The following CBFA2T2 variants were observed in gnomAD, a reference collection of about 807,000 sequenced individuals.
CBFA2T2 encodes protein CBFA2T2.
CBFA2T2 carries 11 observed loss-of-function variants against 62.2 expected under a neutral mutation model. That is an observed-to-expected ratio of 0.18 (90% CI 0.11 to 0.29). The LOEUF (loss-of-function observed/expected upper bound fraction) is 0.29, where lower values mean the gene tolerates loss of function less well. Among genes scored for constraint, CBFA2T2 ranks in the 10% least tolerant of loss-of-function variants. CBFA2T2 has a pLI of 1.00. For missense variants in CBFA2T2, 592 were observed against 774.1 expected, an observed-to-expected ratio of 0.76 and a Z score of 2.79; for synonymous variants, 295 against 287.5, an observed-to-expected ratio of 1.03 and a Z score of -0.27.
chr20:33,620,582 A>G (rs980602856), intron 4 of CBFA2T2, among the ~76,000 whole-genome samples: 5 of 152,174 alleles, frequency 3.3e-5, no homozygotes, highest in African/African-American at 9.7e-5. Context: ...GCTCACGCCT[A>G]TAATCCATGC....
chr20:33,491,275 C>G (rs779214576), intron 1 of CBFA2T2, among the ~76,000 whole-genome samples: 18 of 151,942 alleles, frequency 1.2e-4, no homozygotes, highest in Non-Finnish European at 1.9e-4. Context: ...CATTCCAGGC[C>G]CTGGGAATAC....
Position 33,606,892 on chromosome 20 carries a change from A to C in CBFA2T2, c.35-64A>C, listed in dbSNP as rs561712322. 208 of 1,532,232 alleles carry C rather than the reference A, an allele frequency of 1.4e-4. 1 individual carries two copies. The highest frequency in any genetic ancestry group is 4.5e-4 in the Admixed American group (26 of 57,400). The allele number at this position is 1,532,232 out of a possible 1,614,324, so 94.9% of individuals were successfully genotyped here. ...TCTAGGGAAGTATGTTGGTATTTCA[A>C]ATTGTTGTCTGTTTTTGCAAACTTT... On this transcript the variant is annotated intron_variant, in intron 1 of 10. Coordinates refer to ENST00000342704, the MANE Select transcript of CBFA2T2 (RefSeq NM_001032999.3).
intron 4 of CBFA2T2, among the ~76,000 whole-genome samples, chr20:33,619,829 CATAG>C (rs2015868995): frequency 6.6e-6 from 1 of 152,126 alleles, no homozygotes; most frequent in Admixed American, 6.6e-5. Context: ...GCTGCTAACA[CATAG>C]AAGTAGCTAG....
At chr20:33,576,547 A>G (rs1440371063) in intron 1 of CBFA2T2, among the ~76,000 whole-genome samples, 1 of 152,282 alleles carries the variant, frequency 6.6e-6, no homozygotes, top group Non-Finnish European at 1.5e-5. Context: ...AAACTGAGAC[A>G]TCACCATCAT....
chr20:33,623,058 G>A, intron 4 of CBFA2T2, 57 bp from the exon 5 acceptor site: 2 of 1,558,084 alleles, frequency 1.3e-6, no homozygotes, highest in Non-Finnish European at 1.8e-6. Context: ...GCCCTTTGAG[G>A]TGCTGAGCCT....
Position 33,640,454 on chromosome 20 carries a change from C to G in CBFA2T2, c.1411C>G (p.Gln471Glu). The G allele has an allele frequency of 6.2e-7, 1 of 1,614,256 alleles. No homozygotes were observed. The change falls in exon 10 of 11, where the codon CAA (glutamine) becomes GAA (glutamate). Residue 471 changes from glutamine to glutamate, a missense_variant. By Grantham distance (29) the Gln-to-Glu change is conservative (BLOSUM62 2). Transcript: ENST00000342704. Reference protein sequence around the residue: ...VIATERARMEQTIADVKRQAA... With the variant: ...VIATERARMEETIADVKRQAA... ...TGCAACAGAGAGAGCACGAATGGAGCAAACCATAGCGGATGTCAAGCGGCA... is the reference window on the plus strand; with the variant it reads ...TGCAACAGAGAGAGCACGAATGGAGGAAACCATAGCGGATGTCAAGCGGCA...
At chr20:33,586,892 T>C (rs1231463600) in intron 1 of CBFA2T2, among the ~76,000 whole-genome samples, 2 of 152,210 alleles carry the variant, frequency 1.3e-5, no homozygotes, top group African/African-American at 2.4e-5. Flanking sequence ...GAGAGTTTCA[T>C]AGAATTGTCT....
chr20:33,581,284 C>G (rs1371364868), intron 1 of CBFA2T2, among the ~76,000 whole-genome samples: 1 of 152,160 alleles, frequency 6.6e-6, no homozygotes, highest in Non-Finnish European at 1.5e-5. Flanking sequence ...GTCTCAAACT[C>G]ATGATCTTGT....
chr20:33,518,916 G>A (rs2011655019), intron 1 of CBFA2T2, among the ~76,000 whole-genome samples: 1 of 151,892 alleles, frequency 6.6e-6, no homozygotes, highest in African/African-American at 2.4e-5. Flanking sequence ...CCGTCTCCCG[G>A]GTTCAAGCGA....
At chr20:33,498,121 G>C (rs999774275) in intron 1 of CBFA2T2, among the ~76,000 whole-genome samples, 1 of 151,962 alleles carries the variant, frequency 6.6e-6, no homozygotes, top group South Asian at 2.1e-4. Flanking sequence ...GGTAGAGACA[G>C]GGTTTCTTCA....
intron 1 of CBFA2T2, among the ~76,000 whole-genome samples, chr20:33,528,300 G>C (rs975879635): frequency 6.6e-6 from 1 of 152,198 alleles, no homozygotes; most frequent in Non-Finnish European, 1.5e-5. Flanking sequence ...GTGAACTCAG[G>C]TAACTAAGCA....
In CBFA2T2 at chr20:33,647,805, C is replaced by G. The variant is rs910759935; in HGVS notation, c.*3159C>G. The G allele has an allele frequency of 1.3e-5, 2 of 152,320 alleles. No individual in the cohort carries two copies. Among genetic ancestry groups the G allele is most frequent in the African/African-American group, 4.8e-5 (2 of 41,464 alleles). The allele number at this position is 152,320 out of a possible 1,614,324, so 9.4% of individuals were successfully genotyped here. ...TTTTCTGAATCTTTGTAATGCTCTT[C>G]CACCCTGCTCGTGCTGCCCAGAGGC... On this transcript the variant is annotated 3_prime_UTR_variant, in exon 11 of 11. Coordinates refer to ENST00000342704, the MANE Select transcript of CBFA2T2 (RefSeq NM_001032999.3).
rs553052410 is a variant in CBFA2T2, at chr20:33,510,658, G to A, written c.34+20357G>A. Among the ~76,000 whole-genome samples the A allele has an allele frequency of 2.0e-4, 30 of 152,196 alleles. 1 individual carries two copies. The highest frequency in any genetic ancestry group is 1.2e-3 in the South Asian group (6 of 4,820). The stretch of plus-strand genomic sequence containing the variant: ...TCCTTTGGGTATATGCCCAGTAATG[G>A]GATCGCTGGGTCAAATGGTATTTCT... On this transcript the variant is annotated intron_variant, in intron 1 of 10. Transcript: ENST00000342704.
chr20:33,494,694 G>T (rs1347197362), intron 1 of CBFA2T2, among the ~76,000 whole-genome samples: 1 of 151,940 alleles, frequency 6.6e-6, no homozygotes, highest in Non-Finnish European at 1.5e-5. Context: ...CGCCTCCCAG[G>T]TTCAAGCGAT....
At chr20:33,504,215 CT>C (rs2011360271) in intron 1 of CBFA2T2, among the ~76,000 whole-genome samples, 1 of 151,792 alleles carries the variant, frequency 6.6e-6, no homozygotes, top group South Asian at 2.1e-4. Context: ...TAGGTTGTTC[CT>C]TTTTATTGTT....
rs2016993503 is a variant in CBFA2T2 at position 33,644,811 on chromosome 20, T to C, written c.*165T>C. 1.4e-6 allele frequency: 1 copy of C among 711,256 alleles called. No homozygotes were observed. The highest frequency in any genetic ancestry group is 2.3e-6 in the Non-Finnish European group (1 of 441,704). The allele number at this position is 711,256 out of a possible 1,614,324, so 44.1% of individuals were successfully genotyped here. On this transcript the variant is annotated 3_prime_UTR_variant, in exon 11 of 11. Transcript: ENST00000342704. ...ATAATAACACCCCACAGCCTCTCTGTGCACTTGCTGTCTGCGGAGCCAGTG... is the reference window on the plus strand; with the variant it reads ...ATAATAACACCCCACAGCCTCTCTGCGCACTTGCTGTCTGCGGAGCCAGTG...
chr20:33,543,809 A>G (rs1268412315), intron 1 of CBFA2T2, among the ~76,000 whole-genome samples: 1 of 152,150 alleles, frequency 6.6e-6, no homozygotes, highest in African/African-American at 2.4e-5. Context: ...CAAAGCACTG[A>G]TAACTAAATT....
chr20:33,497,828 G>A (rs545578537), intron 1 of CBFA2T2, among the ~76,000 whole-genome samples: 2 of 151,386 alleles, frequency 1.3e-5, no homozygotes, highest in East Asian at 2.0e-4. Context: ...GATTACAGGC[G>A]TGAGCCACCA....
At chr20:33,562,297 C>T (rs899681980) in intron 1 of CBFA2T2, 20 of 768,094 alleles carry the variant, frequency 2.6e-5, no homozygotes, top group African/African-American at 9.4e-5. Context: ...TACTTAGTGA[C>T]ATCAGCTGGC....
Sources: allele counts gnomAD v4.1 joint callset (sites outside exome capture counted in the v4.1 genomes callset), GRCh38; gene constraint gnomAD v4.1.1; transcripts MANE v1.5; gene names NCBI Gene and HGNC (gene_info 2026-07-23, HGNC 2026-07-21).